Variants in SPATA6L observed in about 807,000 individuals in gnomAD.
SPATA6L encodes spermatogenesis associated 6-like protein.
In SPATA6L, 68 loss-of-function variants were observed where a neutral mutation model predicts 49.2. The observed-to-expected ratio is 1.38, with a 90% CI of 1.14 to 1.69. The LOEUF is 1.69. SPATA6L is among the 40% of genes most tolerant of loss of function. The probability of loss-of-function intolerance (pLI) is 0.00; values close to 1 mark genes in which losing one functional copy is unlikely to be tolerated. For missense variants in SPATA6L, 668 were observed against 464.3 expected, an observed-to-expected ratio of 1.44 and a Z score of -4.03; for synonymous variants, 198 against 165.7, an observed-to-expected ratio of 1.19 and a Z score of -1.50.
In SPATA6L at chr9:4,662,250, A is replaced by C; in HGVS notation, c.40-214T>G. 4 of 1,434,352 alleles carry C rather than the reference A, an allele frequency of 2.8e-6. No individual in the cohort carries two copies. Among genetic ancestry groups the C allele is most frequent in the Non-Finnish European group, 3.6e-6 (4 of 1,099,704 alleles). The allele number at this position is 1,434,352 out of a possible 1,614,324, so 88.9% of individuals were successfully genotyped here. On this transcript the variant is annotated intron_variant, in intron 1 of 11. Transcript: ENST00000682582. The surrounding 1 kb of genome is among the most constrained non-coding windows in gnomAD (Gnocchi z 4.9). ...CTCCCACGTCTCCACCAGGTGTCAC[A>C]ATCGCGCTCTCGCCGGCTCCTCTCC...
Position 4,625,398 on chromosome 9 carries a change from G to T in SPATA6L, c.598C>A (p.Pro200Thr). Residue 200 changes from proline (P) to threonine (T), a missense_variant, in exon 6 of 12, where the codon CCA (proline) becomes ACA (threonine). Coordinates refer to ENST00000682582, the MANE Select transcript of SPATA6L (RefSeq NM_001353486.2). Reference sequence around the variant, plus strand: ...TTATTTCCAAGGTTCAACTGAGCTGGCTGGTCCTGGAAGAAATGCCTGGTA... The same window carrying T: ...TTATTTCCAAGGTTCAACTGAGCTGTCTGGTCCTGGAAGAAATGCCTGGTA... ...YSTRHFFQDQ[P>T]AQLNLGNNFK... 1 of 1,614,090 alleles carries T rather than the reference G, an allele frequency of 6.2e-7. No homozygotes were observed. The highest frequency in any genetic ancestry group is 8.5e-7 in the Non-Finnish European group (1 of 1,180,020).
Position 4,662,333 on chromosome 9 carries a change from T to A in SPATA6L, c.40-297A>T. On this transcript the variant is annotated intron_variant, in intron 1 of 11. Coordinates refer to ENST00000682582, the MANE Select transcript of SPATA6L (RefSeq NM_001353486.2). This position sits in a 1 kb window ranked among gnomAD's most constrained non-coding sequence, Gnocchi z 4.9. ...AGAGGCTGCAGGGCCGGGAAGCCTC[T>A]GTTTGGTCCGGCCAGGTCCCGGGAT... The A allele has an allele frequency of 6.9e-7, 1 of 1,459,752 alleles. No individual in the cohort carries two copies. The highest frequency in any genetic ancestry group is 2.5e-5 in the East Asian group (1 of 39,490). The allele number at this position is 1,459,752 out of a possible 1,614,324, so 90.4% of individuals were successfully genotyped here. A position where few individuals can be genotyped will look rare whatever the true frequency, so the allele number is the denominator to read the frequency against.
At chr9:4,629,273 G>A (rs4740792) in intron 4 of SPATA6L, 105 bp from the exon 5 acceptor site, 41,862 of 684,546 alleles carry the variant, frequency 0.061, 2,461 homozygotes, top group African/African-American at 0.19. Flanking sequence ...CTTCTGTGTG[G>A]CATAATCCAC....
At chr9:4,643,625 G>C (rs1029051952) in intron 3 of SPATA6L, among the ~76,000 whole-genome samples, 1 of 152,098 alleles carries the variant, frequency 6.6e-6, no homozygotes, top group East Asian at 1.9e-4. Context: ...AGTAAGAAAA[G>C]TAAAACCCAA....
At chr9:4,596,404 T>C (rs1822262589), downstream of SPATA6L, 1 of 152,198 alleles carries the variant, frequency 6.6e-6, no homozygotes, top group African/African-American at 2.4e-5. Flanking sequence ...GTTCCCACCA[T>C]GAATGCAACG....
chr9:4,604,180 T>C lies in SPATA6L; in HGVS notation c.1179A>G (p.Ter393=), dbSNP rs1230377325. Reference sequence around the variant, plus strand: ...CTGCTTACTTACATAAGACAGTACCTTAAAAATATCTCTGTTCATGCAGTG... The same window carrying C: ...CTGCTTACTTACATAAGACAGTACCCTAAAAATATCTCTGTTCATGCAGTG... ...KYSLHEQRYF[*] The change falls in exon 11 of 12, where the codon TAA becomes TAG. Residue 393 remains the stop codon, a splice_region_variant and stop_retained_variant. Transcript: ENST00000682582. 1 of 1,605,908 alleles carries C rather than the reference T, an allele frequency of 6.2e-7. No homozygotes were observed. The highest frequency in any genetic ancestry group is 1.7e-5 in the Admixed American group (1 of 59,360).
Position 4,618,127 on chromosome 9 carries a change from A to T in SPATA6L, c.808-17T>A, listed in dbSNP as rs1828439046. On this transcript the variant is annotated splice_polypyrimidine_tract_variant and intron_variant, in intron 8 of 11. Coordinates refer to ENST00000682582, the MANE Select transcript of SPATA6L (RefSeq NM_001353486.2). ...TTTGATAACCTGAGTGACAATATGCATTATTTAGTTGTAATTTTGCTTCTG... is the reference window on the plus strand; with the variant it reads ...TTTGATAACCTGAGTGACAATATGCTTTATTTAGTTGTAATTTTGCTTCTG... 6.3e-7 allele frequency: 1 copy of T among 1,579,570 alleles called. No individual in the cohort carries two copies. Among genetic ancestry groups the T allele is most frequent in the East Asian group, 2.3e-5 (1 of 43,250 alleles).
At chr9:4,627,660 A>G (rs1319676904) in intron 5 of SPATA6L, 1 of 1,106,592 alleles carries the variant, frequency 9.0e-7, no homozygotes, top group South Asian at 1.4e-5. Context: ...CAAAACAGAA[A>G]GAAATTGGGG....
intron 3 of SPATA6L, among the ~76,000 whole-genome samples, chr9:4,636,990 G>T (rs4740797): frequency 6.6e-6 from 1 of 151,922 alleles, no homozygotes; most frequent in South Asian, 2.1e-4. Flanking sequence ...ACGCTGCAAC[G>T]TTTTAAATAC....
intron 4 of SPATA6L, among the ~76,000 whole-genome samples, chr9:4,631,155 T>C (rs1831453034): frequency 6.6e-6 from 1 of 152,258 alleles, no homozygotes; most frequent in African/African-American, 2.4e-5. Context: ...ATTTTCTTTT[T>C]CATACCGTGC....
At chr9:4,593,678 AT>A (rs1230714208), downstream of SPATA6L, among the ~76,000 whole-genome samples, 3 of 152,068 alleles carry the variant, frequency 2.0e-5, no homozygotes, top group Non-Finnish European at 4.4e-5. Context: ...TCCAAAAGGC[AT>A]TTTCTCAGTC....
rs1275198740 is a variant in SPATA6L at position 4,607,121 on chromosome 9, CCT to C, written c.996-1683_996-1682del. ...AAAGAATAAAAATAAATGAGCAAAG[CCT>C]CCAAGAAATATGGGACTATGTGAAA... On this transcript the variant is annotated intron_variant, in intron 9 of 11. Transcript: ENST00000682582. 2.0e-5 allele frequency among the ~76,000 whole-genome samples: 3 copies of C among 152,036 alleles called. No individual in the cohort carries two copies. In the East Asian group the frequency reaches 5.8e-4, roughly 29 times the overall value.
At chr9:4,653,670 C>A (rs1466241178) in intron 3 of SPATA6L, among the ~76,000 whole-genome samples, 1 of 152,184 alleles carries the variant, frequency 6.6e-6, no homozygotes, top group African/African-American at 2.4e-5. Flanking sequence ...CGGCTCATGT[C>A]TGTAACCCCA....
At chr9:4,652,841 CAAAAAAA>C (rs79392745) in intron 3 of SPATA6L, among the ~76,000 whole-genome samples, 19 of 56,570 alleles carry the variant, frequency 3.4e-4, no homozygotes, top group East Asian at 2.9e-3. Flanking sequence ...AATTCCGTCC[CAAAAAAA>C]AAAAAAAAAA....
At chr9:4,654,264 C>T (rs1308602511) in intron 3 of SPATA6L, among the ~76,000 whole-genome samples, 2 of 152,204 alleles carry the variant, frequency 1.3e-5, no homozygotes, top group East Asian at 1.9e-4. Context: ...GTTAAACATA[C>T]AGTTACCACA....
chr9:4,605,858 G>A (rs12341740), intron 9 of SPATA6L, among the ~76,000 whole-genome samples: 4,667 of 152,274 alleles, frequency 0.031, 216 homozygotes, highest in African/African-American at 0.099. Flanking sequence ...CAGCGTGAGC[G>A]ACGCAGAGGA....
chr9:4,650,858 G>GTGTC (rs1421557367), intron 3 of SPATA6L, among the ~76,000 whole-genome samples: 1 of 79,132 alleles, frequency 1.3e-5, no homozygotes, highest in African/African-American at 4.7e-5. Flanking sequence ...GTGTGTGTGT[G>GTGTC]TGTGTGTGTG....
At chr9:4,607,900 A>T (rs1825708099) in intron 9 of SPATA6L, among the ~76,000 whole-genome samples, 2 of 151,188 alleles carry the variant, frequency 1.3e-5, no homozygotes, top group South Asian at 4.2e-4. Context: ...CAGGAAACCC[A>T]TCTCACGTGC....
intron 9 of SPATA6L, among the ~76,000 whole-genome samples, chr9:4,606,050 A>G (rs4601379): frequency 0.049 from 7,423 of 151,920 alleles, 561 homozygotes; most frequent in African/African-American, 0.16. Flanking sequence ...AAGGGGTGAC[A>G]GATGGCACCT....
Sources: gnomAD v4.1 joint callset for allele counts (sites outside exome capture counted in the v4.1 genomes callset) on GRCh38, gnomAD v4.1.1 for gene constraint, Gnocchi (gnomAD v3.1) non-coding constraint, MANE v1.5 for transcripts, NCBI Gene and HGNC (gene_info 2026-07-23, HGNC 2026-07-21) for gene names.